The following SNX9 variants were observed in gnomAD, a reference collection of about 807,000 sequenced individuals.
SNX9 encodes the protein sorting nexin 9.
A neutral mutation model predicts 89.4 loss-of-function variants in SNX9; 44 were observed. The observed-to-expected ratio is 0.49, with a 90% confidence interval of 0.39 to 0.63. The LOEUF is 0.63. SNX9 is among the 30% of genes least tolerant of loss of function. SNX9 has a pLI of 0.00. For missense variants in SNX9, 578 were observed against 736.1 expected (o/e 0.79, Z 2.49); for synonymous variants, 236 against 247.8 (o/e 0.95, Z 0.45).
In SNX9 at chr6:157,865,501, G is replaced by A. The variant is rs375792081; in HGVS notation, c.13-2046G>A. Among the ~76,000 whole-genome samples, 8 of 152,268 alleles carry A rather than the reference G, an allele frequency of 5.3e-5. No individual in the cohort carries two copies. The East Asian group carries it at 9.6e-4, about 18-fold the overall frequency. ...GGGCGCCCTGCCATGATCTCCACTCGGGTCCCAGCCTCCAAGGATGGAGGT... is the reference window on the plus strand; with the variant it reads ...GGGCGCCCTGCCATGATCTCCACTCAGGTCCCAGCCTCCAAGGATGGAGGT... On this transcript the variant is annotated intron_variant, in intron 1 of 17. Coordinates refer to ENST00000392185, the MANE Select transcript of SNX9 (RefSeq NM_016224.5).
chr6:157,843,731 G>C, intron 1 of SNX9, among the ~76,000 whole-genome samples: 1 of 152,136 alleles, frequency 6.6e-6, no homozygotes, highest in East Asian at 1.9e-4. Flanking sequence ...AGTGCTAAGT[G>C]ATCCATTTTG....
chr6:157,882,512 G>C (rs1424774430), intron 4 of SNX9, among the ~76,000 whole-genome samples: 1 of 152,186 alleles, frequency 6.6e-6, no homozygotes, highest in East Asian at 1.9e-4. Context: ...TCCTCTGATG[G>C]ATCTGGGCAA....
chr6:157,841,209 G>C (rs536714512), intron 1 of SNX9, among the ~76,000 whole-genome samples: 27 of 152,180 alleles, frequency 1.8e-4, no homozygotes. Context: ...GTTCCATTAA[G>C]TGATTATTTT....
intron 17 of SNX9, among the ~76,000 whole-genome samples, chr6:157,942,270 A>G (rs1334974830): frequency 6.6e-6 from 1 of 152,236 alleles, no homozygotes; most frequent in Non-Finnish European, 1.5e-5. Context: ...GATGTTTAGC[A>G]TCCAGGGATG....
intron 1 of SNX9, among the ~76,000 whole-genome samples, chr6:157,830,760 A>G (rs536473347): frequency 1.4e-4 from 21 of 152,304 alleles, no homozygotes; most frequent in African/African-American, 4.6e-4. Flanking sequence ...TTTATAGGTG[A>G]GTGCAGCTCT....
intron 14 of SNX9, 58 bp downstream of exon 14, chr6:157,936,098 TA>T (rs1218796009): frequency 2.9e-6 from 4 of 1,389,396 alleles, no homozygotes; most frequent in Non-Finnish European, 4.0e-6. Flanking sequence ...TCCACATATT[TA>T]ATTTAAAACC....
In SNX9 at chr6:157,849,184, G is replaced by A. The variant is rs141158329; in HGVS notation, c.13-18363G>A. On this transcript the variant is annotated intron_variant, in intron 1 of 17. Coordinates refer to ENST00000392185, the MANE Select transcript of SNX9 (RefSeq NM_016224.5). The stretch of plus-strand genomic sequence containing the variant: ...TAAGAATTGTAAGTGATAAGGCCAC[G>A]GAGGTGTTCAGGGTCAGGTGATCAT... Among the ~76,000 whole-genome samples, 675 of 152,326 alleles carry A rather than the reference G, an allele frequency of 4.4e-3. 11 individuals carry two copies. The highest frequency in any genetic ancestry group is 4.1e-3 in the Non-Finnish European group (280 of 68,036).
At chr6:157,827,973 G>C (rs542709620) in intron 1 of SNX9, among the ~76,000 whole-genome samples, 34 of 151,896 alleles carry the variant, frequency 2.2e-4, no homozygotes, top group African/African-American at 7.5e-4. Context: ...TAATGGTAGG[G>C]AATAAATGAA....
intron 16 of SNX9, among the ~76,000 whole-genome samples, chr6:157,940,299 C>G (rs1784011423): frequency 6.6e-6 from 1 of 152,158 alleles, no homozygotes; most frequent in Non-Finnish European, 1.5e-5. Flanking sequence ...TTGATCGATT[C>G]TGTTAGAGTA....
intron 9 of SNX9, among the ~76,000 whole-genome samples, chr6:157,915,020 G>T (rs924075430): frequency 6.6e-6 from 1 of 152,060 alleles, no homozygotes; most frequent in Non-Finnish European, 1.5e-5. Context: ...GGGATATCCA[G>T]TGGGTCTCAC....
chr6:157,856,538 G>A (rs1782015484), intron 1 of SNX9, among the ~76,000 whole-genome samples: 1 of 152,186 alleles, frequency 6.6e-6, no homozygotes, highest in Non-Finnish European at 1.5e-5. Flanking sequence ...AAATATCACA[G>A]TCCTTTAAGA....
chr6:157,910,117 T>G (rs781259976), intron 9 of SNX9, 92 bp downstream of exon 9: 2 of 982,640 alleles, frequency 2.0e-6, no homozygotes, highest in Non-Finnish European at 3.3e-6. Flanking sequence ...TTTTCCATCC[T>G]GTAGAGCAGC....
chr6:157,884,983 G>A (rs1345742020), intron 4 of SNX9: 1 of 152,126 alleles, frequency 6.6e-6, no homozygotes, highest in Non-Finnish European at 1.5e-5. Flanking sequence ...GGTCTGTCTG[G>A]AAGCAAATTA....
At chr6:157,934,851 T>C (rs1783891552) in intron 13 of SNX9, among the ~76,000 whole-genome samples, 1 of 152,168 alleles carries the variant, frequency 6.6e-6, no homozygotes, top group South Asian at 2.1e-4. Flanking sequence ...AGTTACCCAA[T>C]CCAGTAGCAA....
At chr6:157,869,250 T>C (rs1782338475) in intron 2 of SNX9, among the ~76,000 whole-genome samples, 1 of 152,172 alleles carries the variant, frequency 6.6e-6, no homozygotes, top group Non-Finnish European at 1.5e-5. Context: ...CCCATTTCTT[T>C]ACACTATGCG....
At chr6:157,831,794 G>C (rs887594483) in intron 1 of SNX9, among the ~76,000 whole-genome samples, 1 of 152,228 alleles carries the variant, frequency 6.6e-6, no homozygotes, top group Non-Finnish European at 1.5e-5. Context: ...CAGCACTTCA[G>C]TTGTTTCAGT....
At chr6:157,897,143 C>A in intron 5 of SNX9, 145 bp downstream of exon 5, 1 of 758,850 alleles carries the variant, frequency 1.3e-6, no homozygotes. Flanking sequence ...AGGATTGCCC[C>A]ACCCACCAAG....
intron 6 of SNX9, among the ~76,000 whole-genome samples, chr6:157,905,706 C>A (rs1197382968): frequency 6.6e-6 from 1 of 152,208 alleles, no homozygotes; most frequent in Non-Finnish European, 1.5e-5. Context: ...CTGGAGAGAG[C>A]CTGTTGAAAG....
intron 10 of SNX9, among the ~76,000 whole-genome samples, chr6:157,925,999 C>T (rs982487718): frequency 1.3e-5 from 2 of 152,142 alleles, no homozygotes; most frequent in Non-Finnish European, 2.9e-5. Context: ...AGGGACAAAC[C>T]CCCTCCATCA....
Sources: gnomAD v4.1 joint callset for allele counts (sites outside exome capture counted in the v4.1 genomes callset) on GRCh38, gnomAD v4.1.1 for gene constraint, MANE v1.5 for transcripts, NCBI Gene and HGNC (gene_info 2026-07-23, HGNC 2026-07-21) for gene names.